VSIG10L2: variants seen among roughly 807,000 people sequenced by gnomAD.
The protein encoded by VSIG10L2 is V-set and immunoglobulin domain-containing protein 10-like 2.
A neutral mutation model predicts 67.1 loss-of-function variants in VSIG10L2; 56 were observed. The observed-to-expected ratio is 0.83, with a 90% CI of 0.67 to 1.04. The LOEUF (loss-of-function observed/expected upper bound fraction) is 1.04, where lower values mean the gene tolerates loss of function less well. VSIG10L2 is among the 50% of genes least tolerant of loss of function. The pLI is 0.00. For synonymous variants in VSIG10L2, 360 were observed against 396.6 expected (o/e 0.91, Z 1.10); for missense variants, 843 against 932.8 (o/e 0.90, Z 1.25).
chr11:125,954,200 G>A lies in VSIG10L2; in HGVS notation c.1900G>A (p.Val634Met), dbSNP rs1030659982. The change falls in exon 8 of 12, where the codon GTG becomes ATG. Residue 634 changes from valine (V) to methionine (M), a missense_variant. Coordinates refer to ENST00000686984, the MANE Select transcript of VSIG10L2 (RefSeq NM_001365077.2). ...LGPGNLTGFL[V>M]QRKASALGPG... ...ACCCGGGAACCTGACGGGCTTCCTGGTGCAGCGGAAGGCCAGTGCCCTGGG... is the reference window on the plus strand; with the variant it reads ...ACCCGGGAACCTGACGGGCTTCCTGATGCAGCGGAAGGCCAGTGCCCTGGG... The A allele has an allele frequency of 8.1e-7, 1 of 1,232,114 alleles. No homozygotes were observed. The highest frequency in any genetic ancestry group is 1.6e-5 in the African/African-American group (1 of 64,416). The allele number at this position is 1,232,114 out of a possible 1,614,324, so 76.3% of individuals were successfully genotyped here.
chr11:125,948,643 C>G (rs1591528797), intron 3 of VSIG10L2, 63 bp downstream of exon 3: 2 of 1,226,214 alleles, frequency 1.6e-6, no homozygotes, highest in Non-Finnish European at 1.0e-6. Context: ...CCACACTCAG[C>G]CTTCCACACC....
chr11:125,954,119 C>A lies in VSIG10L2; in HGVS notation c.1819C>A (p.Arg607Ser), dbSNP rs1005369201. 3 of 1,232,134 alleles carry A rather than the reference C, an allele frequency of 2.4e-6. No individual in the cohort carries two copies. The highest frequency in any genetic ancestry group is 4.1e-5 in the South Asian group (1 of 24,316). The allele number at this position is 1,232,134 out of a possible 1,614,324, so 76.3% of individuals were successfully genotyped here. ...AGCTCCTCCCAATGTCACCATCAGC[C>A]GCCTGACCTACGGGAGGCACCGGAG... ...YPAPPNVTISRLTYGRHRREV... is the reference protein window; with the variant it reads ...YPAPPNVTISSLTYGRHRREV... Residue 607 changes from arginine (R) to serine (S), a missense_variant, in exon 8 of 12, where the codon CGC becomes AGC. By Grantham distance (110) the Arg-to-Ser change is moderately radical (BLOSUM62 -1). This residue lies in a region of VSIG10L2 where 397 missense variants were observed against 384.4 expected (regional missense o/e 1.03). Coordinates refer to ENST00000686984, the MANE Select transcript of VSIG10L2 (RefSeq NM_001365077.2).
intron 11 of VSIG10L2, 53 bp downstream of exon 11, chr11:125,955,720 G>C: frequency 1.4e-6 from 2 of 1,410,332 alleles, no homozygotes; most frequent in Non-Finnish European, 1.9e-6. Flanking sequence ...ACCAGTGCTG[G>C]GTGCTGAGGG....
Position 125,951,002 on chromosome 11 carries a change from C to T in VSIG10L2, c.1078C>T (p.Gln360Ter). The T allele has an allele frequency of 1.6e-6, 2 of 1,232,408 alleles. No individual in the cohort carries two copies. The highest frequency in any genetic ancestry group is 2.0e-6 in the Non-Finnish European group (2 of 988,184). 76.3% of individuals were successfully genotyped at this position (1,232,408 alleles called of 1,614,324 possible). A position where few individuals can be genotyped will look rare whatever the true frequency, so the allele number is the denominator to read the frequency against. ...CTGGCCTGGGGGGCTTCCGCCTGCC[C>T]AACTGCAGTGGGAAGGGCCTCAGGG... is the stretch of plus-strand genomic sequence containing the variant. The part of the protein sequence containing the change: ...CAWPGGLPPA[Q>*]LQWEGPQGPG... Residue 360 changes from glutamine to a stop codon, truncating the protein, a stop_gained, in exon 5 of 12, where the codon CAA becomes TAA. Transcript: ENST00000686984. LOFTEE classifies it high-confidence loss of function.
Position 125,954,160 on chromosome 11 carries a change from A to G in VSIG10L2, c.1860A>G (p.Gln620=), listed in dbSNP as rs1367810908. The change falls in exon 8 of 12, where the codon CAA becomes CAG. Residue 620 remains glutamine, a synonymous_variant. Coordinates refer to ENST00000686984, the MANE Select transcript of VSIG10L2 (RefSeq NM_001365077.2). Reference sequence around the variant, plus strand: ...GGCACCGGAGAGAGGTGCAGCTTCAATGGGCCATCTTAGGACCCGGGAACC... The same window carrying G: ...GGCACCGGAGAGAGGTGCAGCTTCAGTGGGCCATCTTAGGACCCGGGAACC... The part of the protein sequence containing the change: ...YGRHRREVQL[Q]WAILGPGNLT... 8.1e-7 allele frequency: 1 copy of G among 1,232,210 alleles called. No individual in the cohort carries two copies. Among genetic ancestry groups the G allele is most frequent in the Admixed American group, 4.2e-5 (1 of 23,716 alleles). The allele number at this position is 1,232,210 out of a possible 1,614,324, so 76.3% of individuals were successfully genotyped here.
intron 8 of VSIG10L2, 86 bp downstream of exon 8, chr11:125,954,469 C>T: frequency 1.8e-6 from 2 of 1,126,208 alleles, no homozygotes; most frequent in Non-Finnish European, 2.2e-6. Flanking sequence ...GCATCCCCTC[C>T]TCTCTTCCTT....
chr11:125,951,807 T>C lies in VSIG10L2; in HGVS notation c.1235-6T>C. 4 of 1,491,916 alleles carry C rather than the reference T, an allele frequency of 2.7e-6. No individual in the cohort carries two copies. Among genetic ancestry groups the C allele is most frequent in the Non-Finnish European group, 2.7e-6 (3 of 1,121,814 alleles). 92.4% of individuals were successfully genotyped at this position (1,491,916 alleles called of 1,614,324 possible). A position where few individuals can be genotyped will look rare whatever the true frequency, so the allele number is the denominator to read the frequency against. On this transcript the variant is annotated splice_region_variant and splice_polypyrimidine_tract_variant and intron_variant, in intron 5 of 11. Coordinates refer to ENST00000686984, the MANE Select transcript of VSIG10L2 (RefSeq NM_001365077.2). ...CAGGGCCATACTGAGCCATCATTCC[T>C]TCCAGGGGAGCCTCTCGGGAGGCCT...
Position 125,954,283 on chromosome 11 carries a change from A to G in VSIG10L2, c.1983A>G (p.Gly661=). The change falls in exon 8 of 12, where the codon GGA becomes GGG. Residue 661 remains glycine, a synonymous_variant. Transcript: ENST00000686984. The part of the protein sequence containing the change: ...AASDIEPESR[G]RRLGGLDPGV... The stretch of plus-strand genomic sequence containing the variant: ...GTGACATCGAGCCAGAGAGCCGAGG[A>G]CGGCGGCTGGGGGGCTTGGACCCCG... 8.9e-6 allele frequency: 11 copies of G among 1,232,212 alleles called. No individual in the cohort carries two copies. The highest frequency in any genetic ancestry group is 1.1e-5 in the Non-Finnish European group (11 of 988,060). 76.3% of individuals were successfully genotyped at this position (1,232,212 alleles called of 1,614,324 possible).
At position 125,950,223 on chromosome 11, in the gene VSIG10L2, A is replaced by G; in HGVS notation, c.919A>G (p.Thr307Ala). The change falls in exon 4 of 12, where the codon ACC becomes GCC. Residue 307 changes from threonine (T) to alanine (A), a missense_variant. Thr to Ala is a moderately conservative substitution (Grantham distance 58). Around this residue, in one of 2 missense-constraint regions of VSIG10L2, gnomAD observed 446 missense variants for 548.4 expected, o/e 0.81. Coordinates refer to ENST00000686984, the MANE Select transcript of VSIG10L2 (RefSeq NM_001365077.2). ...TGGCCGTGTCCACACAGGCCTGTAC[A>G]CCTGCCTGGCCCGCAACAGCTACCT... ...RAGRVHTGLY[T>A]CLARNSYLDT... The G allele has an allele frequency of 8.1e-7, 1 of 1,232,470 alleles. No individual in the cohort carries two copies. Among genetic ancestry groups the G allele is most frequent in the African/African-American group, 1.5e-5 (1 of 64,538 alleles). 76.3% of individuals were successfully genotyped at this position (1,232,470 alleles called of 1,614,324 possible). A position where few individuals can be genotyped will look rare whatever the true frequency, so the allele number is the denominator to read the frequency against.
At chr11:125,952,692 T>C (rs2134306192) in intron 6 of VSIG10L2, among the ~76,000 whole-genome samples, 1 of 152,366 alleles carries the variant, frequency 6.6e-6, no homozygotes, top group East Asian at 1.9e-4. Flanking sequence ...TGTTTGGTTT[T>C]GGTCTGGTTC....
rs1318515427 is a variant in VSIG10L2 at position 125,947,813 on chromosome 11, C to A, written c.210C>A (p.Thr70=). ...CGCTGCTGGTCCTCTGGAGCTTCAC[C>A]CCCCTGGGCTCCCTGGTTCCCCGGC... is the stretch of plus-strand genomic sequence containing the variant. ...PAPLLVLWSF[T]PLGSLVPRPV... The change falls in exon 2 of 12, where the codon ACC becomes ACA. Residue 70 remains threonine, a synonymous_variant. Coordinates refer to ENST00000686984, the MANE Select transcript of VSIG10L2 (RefSeq NM_001365077.2). 19 of 1,232,456 alleles carry A rather than the reference C, an allele frequency of 1.5e-5. No homozygotes were observed. Among genetic ancestry groups the A allele is most frequent in the Non-Finnish European group, 1.9e-5 (19 of 988,324 alleles). 76.3% of individuals were successfully genotyped at this position (1,232,456 alleles called of 1,614,324 possible). A position where few individuals can be genotyped will look rare whatever the true frequency, so the allele number is the denominator to read the frequency against.
intron 1 of VSIG10L2, among the ~76,000 whole-genome samples, chr11:125,947,257 A>G (rs995321083): frequency 2.6e-5 from 4 of 151,954 alleles, no homozygotes; most frequent in Non-Finnish European, 5.9e-5. Flanking sequence ...AGATCTCCTT[A>G]TCTCCAGGGT....
At chr11:125,948,204 G>A (rs1294092373) in intron 2 of VSIG10L2, 101 bp from the exon 3 acceptor site, 1 of 1,231,726 alleles carries the variant, frequency 8.1e-7, no homozygotes, top group Non-Finnish European at 1.0e-6. Flanking sequence ...CAGGGTGGGT[G>A]GGCTGGTGAG....
chr11:125,951,352 C>T (rs1183508820), intron 5 of VSIG10L2, among the ~76,000 whole-genome samples, 194 bp downstream of exon 5: 2 of 152,198 alleles, frequency 1.3e-5, no homozygotes, highest in African/African-American at 4.8e-5. Context: ...ACACTGTGCT[C>T]TGTTCCCCTC....
chr11:125,949,969 A>T, intron 3 of VSIG10L2, 45 bp from the exon 4 acceptor site: 1 of 1,231,948 alleles, frequency 8.1e-7, no homozygotes, highest in Non-Finnish European at 1.0e-6. Context: ...GCGTGAATGA[A>T]GGAATGAAGC....
chr11:125,951,719 G>C (rs986259105), intron 5 of VSIG10L2, 94 bp from the exon 6 acceptor site: 1 of 1,248,658 alleles, frequency 8.0e-7, no homozygotes, highest in Non-Finnish European at 1.1e-6. Context: ...AAGGAAGGAG[G>C]GAGTGAAGGA....
At position 125,951,984 on chromosome 11, in the gene VSIG10L2, A is replaced by G. The variant is rs1431634706; in HGVS notation, c.1406A>G (p.Gln469Arg). 7.8e-6 allele frequency: 12 copies of G among 1,535,920 alleles called. No homozygotes were observed. The highest frequency in any genetic ancestry group is 1.4e-5 in the African/African-American group (1 of 73,040). Reference protein sequence around the residue: ...SSSSMAVHLLQAQEDLAGREF... With the variant: ...SSSSMAVHLLRAQEDLAGREF... ...TCCTCGATGGCCGTTCACCTCCTGCAGGCCCAAGAAGATCTGGCTGGCAGA... is the reference window on the plus strand; with the variant it reads ...TCCTCGATGGCCGTTCACCTCCTGCGGGCCCAAGAAGATCTGGCTGGCAGA... Residue 469 changes from glutamine (Q) to arginine (R), a missense_variant, in exon 6 of 12, where the codon CAG becomes CGG. Gln to Arg is a conservative substitution (Grantham distance 43). This residue lies in a region of VSIG10L2 where 397 missense variants were observed against 384.4 expected (regional missense o/e 1.03). Coordinates refer to ENST00000686984, the MANE Select transcript of VSIG10L2 (RefSeq NM_001365077.2).
Position 125,953,647 on chromosome 11 carries a change from C to T in VSIG10L2, c.1743C>T (p.Asn581=), listed in dbSNP as rs1022949595. ...HRGTYQCVAR[N]AVGNSSQSVL... ...GCACCTACCAATGCGTGGCCCGCAA[C>T]GCCGTGGGCAATAGCAGTCAGAGTG... The change falls in exon 7 of 12, where the codon AAC becomes AAT. Residue 581 remains asparagine, a synonymous_variant. Coordinates refer to ENST00000686984, the MANE Select transcript of VSIG10L2 (RefSeq NM_001365077.2). The T allele has an allele frequency of 1.7e-5, 21 of 1,232,258 alleles. No homozygotes were observed. The East Asian group carries it at 2.5e-4, about 15-fold the overall frequency. 76.3% of individuals were successfully genotyped at this position (1,232,258 alleles called of 1,614,324 possible).
In VSIG10L2 at chr11:125,946,544, C is replaced by CTTTTTTT. The variant is rs745417197; in HGVS notation, c.82+414_82+420dup. Among the ~76,000 whole-genome samples, 5 of 142,966 alleles carry CTTTTTTT rather than the reference C, an allele frequency of 3.5e-5. No individual in the cohort carries two copies. The highest frequency in any genetic ancestry group is 7.0e-5 in the Admixed American group (1 of 14,248). 93.8% of individuals were successfully genotyped at this position (142,966 alleles called of 152,430 possible). On this transcript the variant is annotated intron_variant, in intron 1 of 11. Coordinates refer to ENST00000686984, the MANE Select transcript of VSIG10L2 (RefSeq NM_001365077.2). The surrounding 1 kb of genome is among the most constrained non-coding windows in gnomAD (Gnocchi z 4.4). ...GGTTTCTGGGTTACATATTTTTATT[C>CTTTTTTT]TTTTTTTTTTTTTGAGATGGAGTCT... is the stretch of plus-strand genomic sequence containing the variant.
Sources: gnomAD v4.1 joint callset for allele counts (sites outside exome capture counted in the v4.1 genomes callset) on GRCh38, gnomAD v4.1.1 for gene constraint, gnomAD v4.1.1 regional missense constraint, Gnocchi (gnomAD v3.1) non-coding constraint, MANE v1.5 for transcripts, NCBI Gene and HGNC (gene_info 2026-07-23, HGNC 2026-07-21) for gene names.